Variants in CCNI observed in about 807,000 individuals in gnomAD.
CCNI encodes the protein cyclin I.
A neutral mutation model predicts 34.1 loss-of-function variants in CCNI; 14 were observed. The ratio of observed to expected loss-of-function variants is 0.41; its 90% confidence interval spans 0.27 to 0.64. The LOEUF (loss-of-function observed/expected upper bound fraction) is 0.64. Among genes scored for constraint, CCNI ranks in the 30% least tolerant of loss-of-function variants. CCNI has a pLI of 0.31. For missense variants in CCNI, 385 were observed against 440.5 expected, an observed-to-expected ratio of 0.87 and a Z score of 1.13; for synonymous variants, 154 against 158.4, an observed-to-expected ratio of 0.97 and a Z score of 0.21.
In CCNI at chr4:77,075,456, CG is replaced by C; in HGVS notation, c.-44+15del. 1 of 745,064 alleles carries C rather than the reference CG, an allele frequency of 1.3e-6. No individual in the cohort carries two copies. Among genetic ancestry groups the C allele is most frequent in the Non-Finnish European group, 1.6e-6 (1 of 611,782 alleles). 46.2% of individuals were successfully genotyped at this position (745,064 alleles called of 1,614,324 possible). ...CGGAGACGCGTCGAGCCCCCGCCCCCGCCCCCGCCCCTCACCTTCTCCTCCT... is the reference window on the plus strand; with the variant it reads ...CGGAGACGCGTCGAGCCCCCGCCCCCCCCCCGCCCCTCACCTTCTCCTCCT... On this transcript the variant is annotated intron_variant, in intron 1 of 6. Coordinates refer to ENST00000237654, the MANE Select transcript of CCNI (RefSeq NM_006835.3).
intron 2 of CCNI, among the ~76,000 whole-genome samples, chr4:77,065,812 A>G (rs532337583): frequency 1.3e-5 from 2 of 152,360 alleles, no homozygotes; most frequent in East Asian, 3.9e-4. Flanking sequence ...TTTTTAAAAA[A>G]GAAGAGGCCG....
In CCNI at chr4:77,048,081, GTTTTA is replaced by G. The variant is rs1727553315; in HGVS notation, c.*133_*137del. On this transcript the variant is annotated 3_prime_UTR_variant, in exon 7 of 7. Coordinates refer to ENST00000237654, the MANE Select transcript of CCNI (RefSeq NM_006835.3). ...ATAATTAGCCACACAAATAATGAGA[GTTTTA>G]TTTTTTTTTTCTGGCTCACTCCAAA... is the stretch of plus-strand genomic sequence containing the variant. 7 of 571,196 alleles carry G rather than the reference GTTTTA, an allele frequency of 1.2e-5. No individual in the cohort carries two copies. In the South Asian group the frequency reaches 2.0e-4, roughly 16 times the overall value. 35.4% of individuals were successfully genotyped at this position (571,196 alleles called of 1,614,324 possible).
At chr4:77,068,117 G>T (rs1578253837) in intron 1 of CCNI, among the ~76,000 whole-genome samples, 1 of 152,064 alleles carries the variant, frequency 6.6e-6, no homozygotes, top group Non-Finnish European at 1.5e-5. Context: ...GACAGAGGGT[G>T]CAATGAGCCA....
At chr4:77,067,949 G>C in intron 1 of CCNI, among the ~76,000 whole-genome samples, 1 of 152,002 alleles carries the variant, frequency 6.6e-6, no homozygotes, top group African/African-American at 2.4e-5. Flanking sequence ...AGGTGGAGGC[G>C]GGCAGATCAC....
chr4:77,048,465 T>C lies in CCNI; in HGVS notation c.888A>G (p.Pro296=), dbSNP rs777559137. ...GPDFSKDNSK[P]EVPVRGTAAF... ...CTGCTGTACCTCTGACTGGCACTTC[T>C]GGCTTGCTGTTGTCCTTGGAGAAGT... The change falls in exon 7 of 7, where the codon CCA becomes CCG. Residue 296 remains proline (P), a synonymous_variant. Transcript: ENST00000237654. 6.2e-7 allele frequency: 1 copy of C among 1,614,214 alleles called. No individual in the cohort carries two copies. Among genetic ancestry groups the C allele is most frequent in the Non-Finnish European group, 8.5e-7 (1 of 1,180,026 alleles).
At position 77,075,472 on chromosome 4, in the gene CCNI, CTT is replaced by C; in HGVS notation, c.-46_-45del. The C allele has an allele frequency of 1.0e-6, 1 of 960,400 alleles. No homozygotes were observed. Among genetic ancestry groups the C allele is most frequent in the African/African-American group, 1.8e-5 (1 of 56,580 alleles). 59.5% of individuals were successfully genotyped at this position (960,400 alleles called of 1,614,324 possible). On this transcript the variant is annotated splice_region_variant and 5_prime_UTR_variant, in exon 1 of 7. Coordinates refer to ENST00000237654, the MANE Select transcript of CCNI (RefSeq NM_006835.3). ...CCCCGCCCCCGCCCCCGCCCCTCAC[CTT>C]CTCCTCCTCTTCCTCCTCCTCCTCC...
chr4:77,048,457 G>A lies in CCNI; in HGVS notation c.896C>T (p.Pro299Leu), dbSNP rs1237365455. 8 of 1,614,134 alleles carry A rather than the reference G, an allele frequency of 5.0e-6. No individual in the cohort carries two copies. The highest frequency in any genetic ancestry group is 3.3e-4 in the Middle Eastern group (2 of 6,062). Residue 299 changes from proline (P) to leucine (L), a missense_variant, in exon 7 of 7, where the codon CCA becomes CTA. By Grantham distance (98) the Pro-to-Leu change is moderately conservative. This residue lies in a region of CCNI where 250 missense variants were observed against 248.7 expected (regional missense o/e 1.01). Coordinates refer to ENST00000237654, the MANE Select transcript of CCNI (RefSeq NM_006835.3). ...FSKDNSKPEVPVRGTAAFYHH... is the reference protein window; with the variant it reads ...FSKDNSKPEVLVRGTAAFYHH... ...GTAAAAGGCTGCTGTACCTCTGACT[G>A]GCACTTCTGGCTTGCTGTTGTCCTT...
chr4:77,070,474 C>CTTTT (rs543086530), intron 1 of CCNI, among the ~76,000 whole-genome samples: 2 of 119,168 alleles, frequency 1.7e-5, no homozygotes, highest in Non-Finnish European at 3.6e-5. Context: ...TGGGTACTTT[C>CTTTT]TTTTTTTTTT....
chr4:77,069,338 T>C (rs1304906383), intron 1 of CCNI, among the ~76,000 whole-genome samples: 1 of 152,026 alleles, frequency 6.6e-6, no homozygotes, highest in African/African-American at 2.4e-5. Context: ...TGAGCCAAAA[T>C]CATGCCACTG....
At chr4:77,051,741 T>C (rs1314921724) in intron 6 of CCNI, among the ~76,000 whole-genome samples, 1 of 152,212 alleles carries the variant, frequency 6.6e-6, no homozygotes, top group East Asian at 1.9e-4. Flanking sequence ...AGTACTCTAA[T>C]GGAGTTGATA....
chr4:77,048,448 C>T lies in CCNI; in HGVS notation c.905G>A (p.Gly302Asp), dbSNP rs765818485. ...GAGATGATGGTAAAAGGCTGCTGTA[C>T]CTCTGACTGGCACTTCTGGCTTGCT... is the stretch of plus-strand genomic sequence containing the variant. ...DNSKPEVPVR[G>D]TAAFYHHLPA... Residue 302 changes from glycine (G) to aspartate (D), a missense_variant, in exon 7 of 7, where the codon GGT (glycine) becomes GAT (aspartate). Gly to Asp is a moderately conservative substitution (Grantham distance 94, BLOSUM62 -1). Around this residue, in one of 2 missense-constraint regions of CCNI, gnomAD observed 250 missense variants for 248.7 expected, o/e 1.01. Transcript: ENST00000237654. 2 of 1,614,106 alleles carry T rather than the reference C, an allele frequency of 1.2e-6. No individual in the cohort carries two copies. The highest frequency in any genetic ancestry group is 1.1e-5 in the South Asian group (1 of 91,076).
At chr4:77,075,172 T>C (rs1165085675) in intron 1 of CCNI, 1 of 151,634 alleles carries the variant, frequency 6.6e-6, no homozygotes, top group African/African-American at 2.4e-5. Context: ...CACTATAGAG[T>C]AGCTAATTTG....
chr4:77,074,634 T>C (rs1440337287), intron 1 of CCNI, among the ~76,000 whole-genome samples: 1 of 152,228 alleles, frequency 6.6e-6, no homozygotes, highest in Non-Finnish European at 1.5e-5. Flanking sequence ...GCAAGCCACT[T>C]AGGAGAATGC....
chr4:77,075,474 TCTCCTCCTCTTCCTC>T lies in CCNI; in HGVS notation c.-61_-47del, dbSNP rs4252764. On this transcript the variant is annotated 5_prime_UTR_variant, in exon 1 of 7. Coordinates refer to ENST00000237654, the MANE Select transcript of CCNI (RefSeq NM_006835.3). The stretch of plus-strand genomic sequence containing the variant: ...CCGCCCCCGCCCCCGCCCCTCACCT[TCTCCTCCTCTTCCTC>T]CTCCTCCTCCTCCCCGGCAGAGCTG... The T allele has an allele frequency of 2.5e-3, 1,339 of 539,748 alleles. 1 individual carries two copies. The highest frequency in any genetic ancestry group is 3.0e-3 in the Non-Finnish European group (1,288 of 423,144). 33.4% of individuals were successfully genotyped at this position (539,748 alleles called of 1,614,324 possible).
intron 1 of CCNI, among the ~76,000 whole-genome samples, chr4:77,067,972 T>TC (rs750009616): frequency 6.6e-6 from 1 of 151,712 alleles, no homozygotes; most frequent in Non-Finnish European, 1.5e-5. Context: ...GGTCAGTAGT[T>TC]CCAGACCAGC....
At chr4:77,066,848 C>A (rs1229634643) in intron 1 of CCNI, among the ~76,000 whole-genome samples, 1 of 152,186 alleles carries the variant, frequency 6.6e-6, no homozygotes, top group Admixed American at 6.5e-5. Context: ...CAGTATGAAA[C>A]CATACCCTCC....
chr4:77,068,531 G>C (rs1231686762), intron 1 of CCNI, among the ~76,000 whole-genome samples: 1 of 152,194 alleles, frequency 6.6e-6, no homozygotes, highest in African/African-American at 2.4e-5. Context: ...AAGGAGGAAA[G>C]AGTTGGGAGT....
chr4:77,057,068 TTGTG>T (rs1166468892), intron 3 of CCNI, among the ~76,000 whole-genome samples: 3 of 152,222 alleles, frequency 2.0e-5, no homozygotes, highest in East Asian at 3.9e-4. Context: ...AAAAAATTTT[TTGTG>T]TATGTAAACA....
intron 2 of CCNI, among the ~76,000 whole-genome samples, chr4:77,063,820 A>G (rs955444896): frequency 1.3e-5 from 2 of 152,152 alleles, no homozygotes; most frequent in African/African-American, 4.8e-5. Flanking sequence ...CAAATTTTAC[A>G]AGTATTAAAT....
Sources: allele counts gnomAD v4.1 joint callset (sites outside exome capture counted in the v4.1 genomes callset), GRCh38; gene constraint gnomAD v4.1.1; regional missense constraint gnomAD v4.1.1; transcripts MANE v1.5; gene names NCBI Gene and HGNC (gene_info 2026-07-23, HGNC 2026-07-21).